The following ZFAT variants were observed in gnomAD, a reference collection of about 807,000 sequenced individuals.
The protein encoded by ZFAT is zinc finger protein ZFAT.
Under a neutral mutation model 117.7 loss-of-function variants are expected in ZFAT, and 64 were observed. That is an observed-to-expected ratio of 0.54 (90% confidence interval 0.44 to 0.67). The LOEUF (loss-of-function observed/expected upper bound fraction) is 0.67. Among genes scored for constraint, ZFAT ranks in the 30% least tolerant of loss-of-function variants. ZFAT has a pLI of 0.00. For missense variants in ZFAT, 1,433 were observed against 1,584.5 expected, an observed-to-expected ratio of 0.90 and a Z score of 1.62; for synonymous variants, 679 against 615.0, an observed-to-expected ratio of 1.10 and a Z score of -1.54.
intron 2 of ZFAT, among the ~76,000 whole-genome samples, chr8:134,638,498 G>A (rs1830367249): frequency 6.8e-6 from 1 of 147,102 alleles, no homozygotes. Flanking sequence ...GAGGTCAGGA[G>A]ATCGAGACTA....
At position 134,675,356 on chromosome 8, in the gene ZFAT, A is replaced by C. The variant is rs574861786; in HGVS notation, c.20-17619T>G. 2.6e-5 allele frequency among the ~76,000 whole-genome samples: 4 copies of C among 152,336 alleles called. No individual in the cohort carries two copies. In the East Asian group the frequency reaches 7.7e-4, roughly 29 times the overall value. On this transcript the variant is annotated intron_variant, in intron 1 of 15. Transcript: ENST00000377838. Reference sequence around the variant, plus strand: ...GATCAAGTAGAAGAAAGGATATCAGAAATTGAAGATCAACTCAATGAAATA... The same window carrying C: ...GATCAAGTAGAAGAAAGGATATCAGCAATTGAAGATCAACTCAATGAAATA...
chr8:134,483,125 C>T (rs936961307), intron 15 of ZFAT, among the ~76,000 whole-genome samples: 2 of 152,204 alleles, frequency 1.3e-5, no homozygotes, highest in African/African-American at 4.8e-5. Context: ...TGCTTTTATG[C>T]AGTTTTTACA....
At chr8:134,743,809 C>T in the ZFAT span, among the ~76,000 whole-genome samples, 2 of 152,206 alleles carry the variant, frequency 1.3e-5, no homozygotes, top group Admixed American at 6.5e-5. Context: ...CCCACTTATC[C>T]ACCTTTTCCT....
In ZFAT at chr8:134,584,716, G is replaced by A. The variant is rs142754701; in HGVS notation, c.2714-711C>T. ...GAGTGAATCCCAGCCTTCACTGTCCGGTGGGAGATGCAGACAGGTAAACAG... is the reference window on the plus strand; with the variant it reads ...GAGTGAATCCCAGCCTTCACTGTCCAGTGGGAGATGCAGACAGGTAAACAG... On this transcript the variant is annotated intron_variant, in intron 9 of 15. Transcript: ENST00000377838. 2.0e-3 allele frequency among the ~76,000 whole-genome samples: 311 copies of A among 152,208 alleles called. 1 individual carries two copies. Among genetic ancestry groups the A allele is most frequent in the Middle Eastern group, 0.014 (4 of 294 alleles).
intron 10 of ZFAT, among the ~76,000 whole-genome samples, chr8:134,579,476 G>A (rs1012276712): frequency 2.0e-5 from 3 of 152,000 alleles, no homozygotes; most frequent in African/African-American, 4.8e-5. Context: ...CCCCTAGCAC[G>A]AGAACAGTAT....
chr8:134,710,685 AATTT>A (rs1813960089), intron 1 of ZFAT, among the ~76,000 whole-genome samples: 1 of 152,298 alleles, frequency 6.6e-6, no homozygotes, highest in African/African-American at 2.4e-5. Flanking sequence ...CTAAACATGA[AATTT>A]ATTTATGTTT....
At chr8:134,780,613 T>C in the ZFAT span, among the ~76,000 whole-genome samples, 2 of 152,278 alleles carry the variant, frequency 1.3e-5, no homozygotes, top group Non-Finnish European at 2.9e-5. Flanking sequence ...GGACCTATTA[T>C]GTTTTAAGCT....
At position 134,603,065 on chromosome 8, in the gene ZFAT, T is replaced by C. The variant is rs1827634408; in HGVS notation, c.786-132A>G. On this transcript the variant is annotated intron_variant, in intron 5 of 15. Coordinates refer to ENST00000377838, the MANE Select transcript of ZFAT (RefSeq NM_020863.4). ...CTGGACAGACGCTGGATGGGTGCAG[T>C]CACTCACTCAACAAACAGGATCAGA... 2.4e-6 allele frequency: 3 copies of C among 1,230,710 alleles called. No individual in the cohort carries two copies. In the South Asian group the frequency reaches 4.5e-5, roughly 18 times the overall value. 76.2% of individuals were successfully genotyped at this position (1,230,710 alleles called of 1,614,324 possible).
chr8:134,629,454 T>A (rs1191302164), intron 3 of ZFAT, among the ~76,000 whole-genome samples: 1 of 151,514 alleles, frequency 6.6e-6, no homozygotes, highest in African/African-American at 2.4e-5. Context: ...TGAACTCAGG[T>A]GGGGCCATGT....
chr8:134,512,378 G>C, intron 14 of ZFAT, 97 bp downstream of exon 14: 2 of 1,519,798 alleles, frequency 1.3e-6, no homozygotes, highest in Non-Finnish European at 1.8e-6. Context: ...TTCGGAAGTA[G>C]ATCACCTGAT....
chr8:134,695,855 G>GGC (rs1833810829), intron 1 of ZFAT, among the ~76,000 whole-genome samples: 1 of 145,488 alleles, frequency 6.9e-6, no homozygotes, highest in African/African-American at 2.6e-5. Flanking sequence ...CCCAGGCCCT[G>GGC]CCTGCCTCTC....
At chr8:134,709,811 C>T (rs1313316087) in intron 1 of ZFAT, among the ~76,000 whole-genome samples, 1 of 152,138 alleles carries the variant, frequency 6.6e-6, no homozygotes, top group East Asian at 1.9e-4. Flanking sequence ...ATCCTTTCAC[C>T]GGAGGCAAAT....
chr8:134,775,123 A>G, the ZFAT span, among the ~76,000 whole-genome samples: 5,890 of 152,272 alleles, frequency 0.039, 157 homozygotes, highest in Middle Eastern at 0.071. Context: ...ATCTCAAAAC[A>G]AAAACAAACA....
the ZFAT span, among the ~76,000 whole-genome samples, chr8:134,787,840 TATTTA>T: frequency 6.6e-6 from 1 of 152,136 alleles, no homozygotes; most frequent in Non-Finnish European, 1.5e-5. Context: ...AAATTTCTTG[TATTTA>T]TTTTACACTA....
At chr8:134,683,595 CAAGAGCCTTGCCTGTTGG>C (rs1202725599) in intron 1 of ZFAT, among the ~76,000 whole-genome samples, 1 of 152,152 alleles carries the variant, frequency 6.6e-6, no homozygotes, top group Non-Finnish European at 1.5e-5. Context: ...GGGGCAGAAC[CAAGAGCCTTGCCTGTTGG>C]AAGAGCCTTG....
intron 1 of ZFAT, among the ~76,000 whole-genome samples, chr8:134,704,565 T>G (rs1255710575): frequency 6.6e-6 from 1 of 152,222 alleles, no homozygotes; most frequent in Non-Finnish European, 1.5e-5. Flanking sequence ...CCTGCACTTT[T>G]GTCCCTCCAA....
intron 1 of ZFAT, among the ~76,000 whole-genome samples, chr8:134,696,100 C>T (rs181875149): frequency 9.9e-5 from 15 of 151,960 alleles, no homozygotes; most frequent in Admixed American, 5.9e-4. Flanking sequence ...AAGCCCTGCC[C>T]GCATTTCTAA....
At chr8:134,569,755 G>A (rs1792358765) in intron 10 of ZFAT, among the ~76,000 whole-genome samples, 1 of 152,134 alleles carries the variant, frequency 6.6e-6, no homozygotes, top group East Asian at 1.9e-4. Context: ...CCTTTCAGCT[G>A]AGTGCAGTGC....
intron 3 of ZFAT, among the ~76,000 whole-genome samples, chr8:134,633,162 A>T (rs571685053): frequency 6.6e-6 from 1 of 152,006 alleles, no homozygotes; most frequent in African/African-American, 2.4e-5. Context: ...ATACACTTAC[A>T]GACTGTGTGA....
Sources: gnomAD v4.1 joint callset for allele counts (sites outside exome capture counted in the v4.1 genomes callset) on GRCh38, gnomAD v4.1.1 for gene constraint, MANE v1.5 for transcripts, NCBI Gene and HGNC (gene_info 2026-07-23, HGNC 2026-07-21) for gene names.